The following RAB38 variants were observed in gnomAD, a reference collection of about 807,000 sequenced individuals.
RAB38 encodes the protein ras-related protein Rab-38.
Under a neutral mutation model 18.4 loss-of-function variants are expected in RAB38, and 15 were observed. The ratio of observed to expected loss-of-function variants is 0.82; its 90% CI spans 0.55 to 1.26. The LOEUF is 1.26. Among genes scored for constraint, RAB38 ranks in the 50% most tolerant of loss-of-function variants. The pLI, the probability that RAB38 is intolerant of heterozygous loss-of-function variation, is 0.00. For missense variants in RAB38, 294 were observed against 267.4 expected (o/e 1.10, Z -0.69); for synonymous variants, 101 against 104.4 (o/e 0.97, Z 0.20).
the RAB38 span, among the ~76,000 whole-genome samples, chr11:88,026,684 T>A: frequency 2.0e-4 from 30 of 152,042 alleles, no homozygotes; most frequent in African/African-American, 7.0e-4. Flanking sequence ...GGCCGTTTTC[T>A]TCTAAAATTC....
chr11:87,909,393 C>T, the RAB38 span, among the ~76,000 whole-genome samples: 3 of 152,160 alleles, frequency 2.0e-5, no homozygotes, highest in East Asian at 3.9e-4. Flanking sequence ...GACGCAAATT[C>T]ATTGCATTCT....
chr11:87,920,656 G>T, the RAB38 span, among the ~76,000 whole-genome samples: 1 of 151,896 alleles, frequency 6.6e-6, no homozygotes, highest in Non-Finnish European at 1.5e-5. Context: ...AGGTCCATTT[G>T]GTCTAAAGTA....
the RAB38 span, among the ~76,000 whole-genome samples, chr11:87,821,769 T>C: frequency 1.3e-5 from 2 of 151,564 alleles, no homozygotes; most frequent in African/African-American, 4.9e-5. Flanking sequence ...GAGAATCGCT[T>C]GCACCCGGTG....
chr11:87,808,908 C>T, the RAB38 span, among the ~76,000 whole-genome samples: 5 of 151,872 alleles, frequency 3.3e-5, no homozygotes, highest in African/African-American at 4.8e-5. Context: ...AATTAATATT[C>T]GATTTTCATA....
the RAB38 span, among the ~76,000 whole-genome samples, chr11:88,024,461 G>A: frequency 1.2e-3 from 179 of 152,260 alleles, no homozygotes; most frequent in African/African-American, 4.2e-3. Flanking sequence ...CAACCACTAT[G>A]AAGAACACTT....
the RAB38 span, among the ~76,000 whole-genome samples, chr11:88,041,893 C>T: frequency 6.6e-6 from 1 of 152,156 alleles, no homozygotes; most frequent in Admixed American, 6.5e-5. Context: ...AACCTGGCAG[C>T]TCAGCCTCCC....
chr11:87,971,816 CACTCT>C, the RAB38 span, among the ~76,000 whole-genome samples: 1 of 152,082 alleles, frequency 6.6e-6, no homozygotes, highest in South Asian at 2.1e-4. Context: ...GTCTTACTTT[CACTCT>C]ACTCTAAAAC....
chr11:88,100,169 A>G, the RAB38 span: 1 of 151,954 alleles, frequency 6.6e-6, no homozygotes, highest in Non-Finnish European at 1.5e-5. Context: ...ACACACACAC[A>G]AAGACAAAAC....
In RAB38 at chr11:88,149,805, T is replaced by C; in HGVS notation, c.353A>G (p.Lys118Arg). Residue 118 changes from lysine to arginine, a missense_variant, in exon 2 of 3, where the codon AAA becomes AGA. Physicochemically the swap from Lys to Arg is conservative, Grantham distance 26 (BLOSUM62 2). Transcript: ENST00000243662. ...LDSKLSLPNG[K>R]PVSVVLLANK... The stretch of plus-strand genomic sequence containing the variant: ...GGCCAACAAAACCACTGAAACCGGT[T>C]TGCCATTAGGGAGACTTAACTTGGA... The C allele has an allele frequency of 6.2e-7, 1 of 1,614,098 alleles. No homozygotes were observed. Among genetic ancestry groups the C allele is most frequent in the Non-Finnish European group, 8.5e-7 (1 of 1,179,992 alleles).
chr11:88,005,794 G>A, the RAB38 span, among the ~76,000 whole-genome samples: 1 of 151,350 alleles, frequency 6.6e-6, no homozygotes, highest in Non-Finnish European at 1.5e-5. Context: ...AGAGATAAGG[G>A]TCTAGTTTTG....
At chr11:87,861,799 A>C in the RAB38 span, among the ~76,000 whole-genome samples, 90,462 of 151,738 alleles carry the variant, frequency 0.6, 28,384 homozygotes, top group Non-Finnish European at 0.7. Context: ...GGCTCCTTTT[A>C]ACTTATTTTG....
At chr11:87,966,143 A>G in the RAB38 span, among the ~76,000 whole-genome samples, 1 of 152,152 alleles carries the variant, frequency 6.6e-6, no homozygotes, top group Non-Finnish European at 1.5e-5. Context: ...AGCCACAATT[A>G]CCAAAGATAT....
At chr11:88,061,283 G>T in the RAB38 span, among the ~76,000 whole-genome samples, 5 of 152,200 alleles carry the variant, frequency 3.3e-5, no homozygotes, top group African/African-American at 1.2e-4. Flanking sequence ...TGTTCAAGGG[G>T]ATCACAAATG....
the RAB38 span, among the ~76,000 whole-genome samples, chr11:87,864,271 C>T: frequency 9.3e-5 from 14 of 151,156 alleles, no homozygotes. Flanking sequence ...TCACAATGCT[C>T]ATATAATTAA....
At chr11:88,073,988 A>AG in the RAB38 span, among the ~76,000 whole-genome samples, 3 of 149,732 alleles carry the variant, frequency 2.0e-5, no homozygotes, top group African/African-American at 7.4e-5. Context: ...CAGTCAAAGG[A>AG]GAAAAAAAAA....
At chr11:87,914,755 A>G in the RAB38 span, among the ~76,000 whole-genome samples, 6 of 152,316 alleles carry the variant, frequency 3.9e-5, no homozygotes, top group South Asian at 6.2e-4. Context: ...TTTAGAGGAC[A>G]GGCCTGAGGG....
the RAB38 span, among the ~76,000 whole-genome samples, chr11:87,824,932 C>T: frequency 3.2e-4 from 48 of 152,134 alleles, no homozygotes; most frequent in African/African-American, 1.2e-3. Flanking sequence ...AAGGCACATA[C>T]ATCATTGTGA....
the RAB38 span, among the ~76,000 whole-genome samples, chr11:87,939,587 G>C: frequency 1.3e-5 from 2 of 152,116 alleles, no homozygotes; most frequent in Non-Finnish European, 2.9e-5. Context: ...GCCAGGCATG[G>C]TGACTCACGC....
chr11:88,156,269 G>T (rs971325071), intron 1 of RAB38, among the ~76,000 whole-genome samples: 1 of 152,116 alleles, frequency 6.6e-6, no homozygotes, highest in Non-Finnish European at 1.5e-5. Context: ...AATCTTAAAG[G>T]CAGCTAAAGA....
Sources: allele counts gnomAD v4.1 joint callset (sites outside exome capture counted in the v4.1 genomes callset), GRCh38; gene constraint gnomAD v4.1.1; transcripts MANE v1.5; gene names NCBI Gene and HGNC (gene_info 2026-07-23, HGNC 2026-07-21).